Variants in GLI2 observed in about 807,000 individuals in gnomAD.
GLI2 encodes the protein GLI family zinc finger 2, also known as transcription activator GLI2.
In GLI2, 22 loss-of-function variants were observed where a neutral mutation model predicts 78.9. The observed-to-expected ratio is 0.28, with a 90% CI of 0.20 to 0.40. The LOEUF (loss-of-function observed/expected upper bound fraction) is 0.40. GLI2 is among the 10% of genes least tolerant of loss of function. GLI2 has a pLI of 1.00. For missense variants in GLI2, 2,097 were observed against 2,213.2 expected (o/e 0.95, Z 1.05); for synonymous variants, 974 against 963.7 (o/e 1.01, Z -0.20).
Position 120,946,997 on chromosome 2 carries a change from T to C in GLI2, c.255-4246T>C, listed in dbSNP as rs571869244. 2.0e-5 allele frequency among the ~76,000 whole-genome samples: 3 copies of C among 152,156 alleles called. No individual in the cohort carries two copies. In the East Asian group the frequency reaches 5.8e-4, roughly 29 times the overall value. On this transcript the variant is annotated intron_variant, in intron 3 of 13. Coordinates refer to ENST00000361492, the MANE Select transcript of GLI2 (RefSeq NM_001374353.1). ...TGGATCCTTAGCGGTCATCACAACA[T>C]AGTGGGGTTGGGGGGTTCCAGCTCC...
At chr2:120,874,418 C>T (rs940995674) in intron 2 of GLI2, among the ~76,000 whole-genome samples, 3 of 152,234 alleles carry the variant, frequency 2.0e-5, no homozygotes, top group Non-Finnish European at 4.4e-5. Flanking sequence ...TGAAAGTTGT[C>T]ACAAAACACT....
intron 2 of GLI2, among the ~76,000 whole-genome samples, chr2:120,804,112 T>G (rs1041544508): frequency 6.6e-6 from 1 of 152,184 alleles, no homozygotes; most frequent in Non-Finnish European, 1.5e-5. Flanking sequence ...TGGCGAGGCA[T>G]GCATGTCTAT....
At chr2:120,926,100 G>A (rs1291515879) in intron 2 of GLI2, among the ~76,000 whole-genome samples, 537 of 75,450 alleles carry the variant, frequency 7.1e-3, no homozygotes, top group East Asian at 0.012. Context: ...AAAAAAAAAA[G>A]ATTTAAATGG....
At chr2:120,751,505 C>T (rs1339356404) in intron 1 of GLI2, among the ~76,000 whole-genome samples, 1 of 152,138 alleles carries the variant, frequency 6.6e-6, no homozygotes, top group Non-Finnish European at 1.5e-5. Flanking sequence ...AGTAATTATT[C>T]TCCAAACACG....
intron 2 of GLI2, among the ~76,000 whole-genome samples, chr2:120,923,861 TAC>T (rs746911617): frequency 6.0e-5 from 9 of 150,768 alleles, no homozygotes; most frequent in Admixed American, 2.0e-4. Flanking sequence ...CACACGTACA[TAC>T]ACACACACAC....
At chr2:120,823,323 G>C (rs72835557) in intron 2 of GLI2, among the ~76,000 whole-genome samples, 4,885 of 152,258 alleles carry the variant, frequency 0.032, 113 homozygotes, top group Non-Finnish European at 0.048. Context: ...GCCATACAGT[G>C]GGGGGAAGGG....
chr2:120,762,660 G>T (rs928325837), intron 1 of GLI2, among the ~76,000 whole-genome samples: 5 of 152,146 alleles, frequency 3.3e-5, no homozygotes, highest in African/African-American at 1.2e-4. Context: ...CATCGAGAGC[G>T]TCGAGGGCCT....
chr2:120,866,833 T>C (rs1023784276), intron 2 of GLI2: 1 of 152,190 alleles, frequency 6.6e-6, no homozygotes, highest in Admixed American at 6.5e-5. Flanking sequence ...TTCCACAGCT[T>C]GATTCGAAAG....
At chr2:120,939,725 A>G (rs753140415) in intron 3 of GLI2, among the ~76,000 whole-genome samples, 16 of 152,190 alleles carry the variant, frequency 1.1e-4, no homozygotes, top group Non-Finnish European at 2.4e-4. Flanking sequence ...GACTGCAGAA[A>G]CACTTTTATA....
chr2:120,753,637 G>A (rs1332135191), intron 1 of GLI2, among the ~76,000 whole-genome samples: 1 of 151,928 alleles, frequency 6.6e-6, no homozygotes, highest in African/African-American at 2.4e-5. Flanking sequence ...GGTGGCTCAA[G>A]CCTGTAATCC....
chr2:120,784,798 C>T (rs1288128192), intron 1 of GLI2, among the ~76,000 whole-genome samples: 3 of 152,150 alleles, frequency 2.0e-5, no homozygotes, highest in African/African-American at 7.2e-5. Flanking sequence ...TTCCTTGACT[C>T]CCTCAGGTTA....
At position 120,951,262 on chromosome 2, in the gene GLI2, A is replaced by G; in HGVS notation, c.274A>G (p.Ser92Gly). 1 of 1,611,220 alleles carries G rather than the reference A, an allele frequency of 6.2e-7. No individual in the cohort carries two copies. Among genetic ancestry groups the G allele is most frequent in the Non-Finnish European group, 8.5e-7 (1 of 1,177,590 alleles). ...CTGCAGGCCCCCTGCCCTCAGCGGC[A>G]GCCCTGTCATCTCTGACATCTCCTT... ...GVHGPPALSG[S>G]PVISDISLIR... The change falls in exon 4 of 14, where the codon AGC becomes GGC. Residue 92 changes from serine (S) to glycine (G), a missense_variant. By Grantham distance (56) the Ser-to-Gly change is moderately conservative. Around this residue, in one of 5 missense-constraint regions of GLI2, gnomAD observed 578 missense variants for 612.0 expected, o/e 0.94. Transcript: ENST00000361492.
chr2:120,932,422 G>A (rs1679989487), intron 3 of GLI2, among the ~76,000 whole-genome samples: 1 of 152,078 alleles, frequency 6.6e-6, no homozygotes, highest in Admixed American at 6.5e-5. Context: ...CACCCAGTGT[G>A]TGCAGGCTCC....
At chr2:120,761,831 T>C (rs1683222455) in intron 1 of GLI2, among the ~76,000 whole-genome samples, 1 of 152,158 alleles carries the variant, frequency 6.6e-6, no homozygotes, top group Non-Finnish European at 1.5e-5. Flanking sequence ...GGTGTATGGC[T>C]TGGGGCAGGG....
intron 9 of GLI2, 142 bp from the exon 10 acceptor site, chr2:120,978,291 AG>A: frequency 2.4e-6 from 2 of 837,640 alleles, no homozygotes; most frequent in South Asian, 2.7e-5. Context: ...TGAACATAAT[AG>A]GTGTGGTCAG....
intron 3 of GLI2, among the ~76,000 whole-genome samples, chr2:120,931,875 C>T (rs568776534): frequency 6.6e-6 from 1 of 152,294 alleles, no homozygotes; most frequent in South Asian, 2.1e-4. Flanking sequence ...TGGGCAGCAG[C>T]ATGGTGCTCC....
intron 2 of GLI2, among the ~76,000 whole-genome samples, chr2:120,817,454 G>A (rs1040963893): frequency 2.0e-5 from 3 of 152,042 alleles, no homozygotes; most frequent in East Asian, 1.9e-4. Flanking sequence ...TGATGAGCTC[G>A]CTGTGGACCA....
chr2:120,918,718 G>A (rs1184602132), intron 2 of GLI2, among the ~76,000 whole-genome samples: 3 of 152,234 alleles, frequency 2.0e-5, no homozygotes, highest in Non-Finnish European at 4.4e-5. Flanking sequence ...TGGGATTACA[G>A]GCGTGAGCCA....
chr2:120,965,658 C>T (rs1435091672), intron 5 of GLI2, among the ~76,000 whole-genome samples: 2 of 151,868 alleles, frequency 1.3e-5, no homozygotes, highest in African/African-American at 4.9e-5. Flanking sequence ...GAGGGGCACA[C>T]TCCAGCCGGG....
Sources: allele counts gnomAD v4.1 joint callset (sites outside exome capture counted in the v4.1 genomes callset), GRCh38; gene constraint gnomAD v4.1.1; regional missense constraint gnomAD v4.1.1; transcripts MANE v1.5; gene names NCBI Gene and HGNC (gene_info 2026-07-23, HGNC 2026-07-21).